STK32B: variants seen among roughly 807,000 people sequenced by gnomAD.
STK32B encodes the protein serine/threonine-protein kinase 32B.
STK32B carries 43 observed loss-of-function variants against 52.6 expected under a neutral mutation model. The observed-to-expected ratio is 0.82, with a 90% CI of 0.64 to 1.05. STK32B has a LOEUF of 1.05. Ranked by LOEUF, STK32B falls within the 50% of genes least tolerant of loss-of-function variation. The probability of loss-of-function intolerance (pLI) is 0.00; values close to 1 mark genes in which losing one functional copy is unlikely to be tolerated. For synonymous variants in STK32B, 238 were observed against 204.3 expected (o/e 1.17, Z -1.41); for missense variants, 621 against 534.6 (o/e 1.16, Z -1.59).
chr4:5,083,263 T>A (rs1003281625), intron 1 of STK32B, among the ~76,000 whole-genome samples: 1 of 152,244 alleles, frequency 6.6e-6, no homozygotes, highest in Non-Finnish European at 1.5e-5. Flanking sequence ...CAAAATAGAT[T>A]TAGAAATCTA....
At chr4:5,312,912 G>A (rs942739145) in intron 3 of STK32B, among the ~76,000 whole-genome samples, 8 of 152,046 alleles carry the variant, frequency 5.3e-5, no homozygotes, top group African/African-American at 1.9e-4. Flanking sequence ...CACCAACAGT[G>A]TAAAAGTGTT....
At chr4:5,172,389 T>A (rs988645814) in intron 3 of STK32B, among the ~76,000 whole-genome samples, 2 of 152,144 alleles carry the variant, frequency 1.3e-5, no homozygotes, top group Non-Finnish European at 2.9e-5. Context: ...CTTGTGCCAG[T>A]TTTCAAAGGG....
chr4:5,141,295 G>C (rs1257384474), intron 2 of STK32B, among the ~76,000 whole-genome samples: 1 of 152,172 alleles, frequency 6.6e-6, no homozygotes, highest in Non-Finnish European at 1.5e-5. Flanking sequence ...CATGACATGT[G>C]AGCAGAGACC....
chr4:5,226,263 A>T (rs1203204018), intron 3 of STK32B, among the ~76,000 whole-genome samples: 2 of 152,160 alleles, frequency 1.3e-5, no homozygotes, highest in Non-Finnish European at 2.9e-5. Context: ...TAAAGTTTTC[A>T]TAATTTTTCT....
intron 6 of STK32B, among the ~76,000 whole-genome samples, chr4:5,437,061 G>A (rs1342990117): frequency 2.0e-5 from 3 of 152,206 alleles, no homozygotes; most frequent in Non-Finnish European, 4.4e-5. Flanking sequence ...GAGGGTGGAA[G>A]GGTGCACCAG....
chr4:5,128,880 T>C (rs758358910), intron 1 of STK32B, among the ~76,000 whole-genome samples: 16 of 152,190 alleles, frequency 1.1e-4, no homozygotes, highest in Non-Finnish European at 4.4e-5. Context: ...AATGTTAGTA[T>C]TGACCTGTGA....
At chr4:5,336,957 G>C (rs1732744740) in intron 4 of STK32B, among the ~76,000 whole-genome samples, 1 of 152,092 alleles carries the variant, frequency 6.6e-6, no homozygotes, top group African/African-American at 2.4e-5. Context: ...AATCAGAATA[G>C]TTTTGAATTT....
At chr4:5,457,163 G>GCTA in intron 8 of STK32B, among the ~76,000 whole-genome samples, 3 of 150,990 alleles carry the variant, frequency 2.0e-5, no homozygotes. Flanking sequence ...TTGTCACTCT[G>GCTA]CTACGAGCTC....
At chr4:5,272,343 C>T (rs1307535917) in intron 3 of STK32B, among the ~76,000 whole-genome samples, 1 of 147,716 alleles carries the variant, frequency 6.8e-6, no homozygotes, top group Non-Finnish European at 1.5e-5. Flanking sequence ...CCTTGCATCC[C>T]AGGGATGAAG....
chr4:5,483,494 C>T (rs1718893458), intron 11 of STK32B, among the ~76,000 whole-genome samples: 1 of 151,960 alleles, frequency 6.6e-6, no homozygotes, highest in African/African-American at 2.4e-5. Context: ...CTTTATTAGT[C>T]TTGCTAGCAG....
chr4:5,464,932 G>A (rs1317088440), intron 9 of STK32B, among the ~76,000 whole-genome samples: 1 of 152,212 alleles, frequency 6.6e-6, no homozygotes, highest in Non-Finnish European at 1.5e-5. Flanking sequence ...GATTCAACTT[G>A]CTCCTTAGGG....
At chr4:5,311,209 A>AT (rs1730268889) in intron 3 of STK32B, among the ~76,000 whole-genome samples, 1 of 152,204 alleles carries the variant, frequency 6.6e-6, no homozygotes, top group Non-Finnish European at 1.5e-5. Flanking sequence ...ATTTTCACAT[A>AT]CCTGGAAGAG....
intron 3 of STK32B, among the ~76,000 whole-genome samples, chr4:5,241,277 T>C (rs190655758): frequency 6.6e-6 from 1 of 152,340 alleles, no homozygotes; most frequent in Admixed American, 6.5e-5. Flanking sequence ...ATCTGGGTTT[T>C]GGTATCAAGA....
At chr4:5,441,361 C>T (rs1055351113) in intron 6 of STK32B, among the ~76,000 whole-genome samples, 2 of 150,772 alleles carry the variant, frequency 1.3e-5, no homozygotes, top group African/African-American at 4.8e-5. Context: ...GGAATTTATC[C>T]ATTTCTTCTA....
chr4:5,322,284 G>A (rs986834915), intron 3 of STK32B, among the ~76,000 whole-genome samples: 17 of 152,142 alleles, frequency 1.1e-4, no homozygotes, highest in African/African-American at 2.4e-4. Flanking sequence ...AAGGCCGAGC[G>A]CTCCATTGTT....
chr4:5,269,981 A>T (rs1727317613), intron 3 of STK32B, among the ~76,000 whole-genome samples: 1 of 152,234 alleles, frequency 6.6e-6, no homozygotes, highest in African/African-American at 2.4e-5. Context: ...GTAATTCAGT[A>T]TATATACAAA....
intron 1 of STK32B, among the ~76,000 whole-genome samples, chr4:5,130,171 C>CGG (rs1491205357): frequency 2.9e-4 from 43 of 149,844 alleles, no homozygotes; most frequent in African/African-American, 1.1e-3. Flanking sequence ...CCTTCTCCGG[C>CGG]GGGGGGAGGC....
intron 2 of STK32B, among the ~76,000 whole-genome samples, chr4:5,151,529 A>G (rs1717364347): frequency 6.6e-6 from 1 of 152,250 alleles, no homozygotes. Flanking sequence ...TTTCACTGTC[A>G]TGCTGGAAGA....
At chr4:5,085,037 T>G (rs1329149436) in intron 1 of STK32B, among the ~76,000 whole-genome samples, 1 of 152,204 alleles carries the variant, frequency 6.6e-6, no homozygotes, top group African/African-American at 2.4e-5. Context: ...TTTTCCAGAA[T>G]GTACTCTGAG....
Sources: gnomAD v4.1 joint callset for allele counts (sites outside exome capture counted in the v4.1 genomes callset) on GRCh38, gnomAD v4.1.1 for gene constraint, MANE v1.5 for transcripts, NCBI Gene and HGNC (gene_info 2026-07-23, HGNC 2026-07-21) for gene names.